Variants in ABHD12 observed in about 807,000 individuals in gnomAD.
The protein encoded by ABHD12 is abhydrolase domain containing 12, lysophospholipase.
In ABHD12, 43 loss-of-function variants were observed where a neutral mutation model predicts 58.3. The ratio of observed to expected loss-of-function variants is 0.74; its 90% confidence interval spans 0.58 to 0.95. The LOEUF (loss-of-function observed/expected upper bound fraction) is 0.95. Among genes scored for constraint, ABHD12 ranks in the 40% least tolerant of loss-of-function variants. ABHD12 has a pLI of 0.00. For synonymous variants in ABHD12, 219 were observed against 211.2 expected (o/e 1.04, Z -0.32); for missense variants, 539 against 537.2 (o/e 1.00, Z -0.03).
At chr20:25,303,502 T>G (rs546561414) in intron 11 of ABHD12, 48 bp downstream of exon 11, 2 of 1,606,888 alleles carry the variant, frequency 1.2e-6, no homozygotes, top group South Asian at 2.2e-5. Context: ...CCACACTGGC[T>G]GAGTGTGCAA....
intron 2 of ABHD12, among the ~76,000 whole-genome samples, chr20:25,333,622 T>G (rs1171513911): frequency 6.6e-6 from 1 of 151,446 alleles, no homozygotes; most frequent in South Asian, 2.1e-4. Flanking sequence ...ATCAAGTGGG[T>G]TTCATCCCTG....
intron 1 of ABHD12, among the ~76,000 whole-genome samples, chr20:25,375,953 T>A (rs2089957717): frequency 2.0e-5 from 3 of 152,088 alleles, no homozygotes; most frequent in Non-Finnish European, 4.4e-5. Context: ...AAACCCCGTC[T>A]CTACTAAAAA....
At chr20:25,335,349 A>G (rs1189243110) in intron 2 of ABHD12, among the ~76,000 whole-genome samples, 4 of 149,636 alleles carry the variant, frequency 2.7e-5, no homozygotes, top group African/African-American at 7.4e-5. Flanking sequence ...ACACTTTTAC[A>G]CTGTTGGTGG....
chr20:25,311,800 G>A (rs1209870059), intron 6 of ABHD12, among the ~76,000 whole-genome samples: 1 of 151,994 alleles, frequency 6.6e-6, no homozygotes, highest in Admixed American at 6.6e-5. Flanking sequence ...CGCCTCCTGG[G>A]CTCAAGCTTT....
At chr20:25,349,098 AAG>A in intron 1 of ABHD12, among the ~76,000 whole-genome samples, 1 of 150,452 alleles carries the variant, frequency 6.6e-6, no homozygotes, top group African/African-American at 2.5e-5. Context: ...AAAAAAAAAA[AAG>A]AAAAAAAGAA....
downstream of ABHD12, among the ~76,000 whole-genome samples, chr20:25,298,995 A>G (rs1449498861): frequency 1.3e-5 from 2 of 152,238 alleles, no homozygotes; most frequent in African/African-American, 4.8e-5. Context: ...AACTGAGCTC[A>G]GCACCCTGGG....
chr20:25,363,268 G>C (rs1233930979), intron 1 of ABHD12, among the ~76,000 whole-genome samples: 1 of 148,892 alleles, frequency 6.7e-6, no homozygotes, highest in East Asian at 2.0e-4. Context: ...TGCCAGGCTG[G>C]AGTGCAGTGG....
chr20:25,336,843 A>G (rs2089378868), intron 2 of ABHD12, among the ~76,000 whole-genome samples: 1 of 152,168 alleles, frequency 6.6e-6, no homozygotes, highest in African/African-American at 2.4e-5. Flanking sequence ...ATGGAGAGGC[A>G]GGAGGAGTGG....
At chr20:25,309,119 C>T (rs1219909147) in intron 7 of ABHD12, among the ~76,000 whole-genome samples, 3 of 152,264 alleles carry the variant, frequency 2.0e-5, no homozygotes, top group Admixed American at 1.3e-4. Context: ...TACCTCCTGT[C>T]CTGGCCTCTG....
chr20:25,388,038 CAAAAAAAAAAAA>C (rs748581834), intron 1 of ABHD12, among the ~76,000 whole-genome samples: 1 of 58,130 alleles, frequency 1.7e-5, no homozygotes, highest in African/African-American at 5.8e-5. Context: ...GACTCCTTCT[CAAAAAAAAAAAA>C]AAAAAAAAAT....
At chr20:25,363,544 T>C (rs1038224902) in intron 1 of ABHD12, among the ~76,000 whole-genome samples, 2 of 152,076 alleles carry the variant, frequency 1.3e-5, no homozygotes, top group South Asian at 2.1e-4. Flanking sequence ...ATAATGTTGG[T>C]TGATGAGATG....
intron 1 of ABHD12, among the ~76,000 whole-genome samples, chr20:25,364,694 G>A (rs998873771): frequency 3.9e-5 from 6 of 152,154 alleles, no homozygotes; most frequent in African/African-American, 7.2e-5. Context: ...CAAAACATAC[G>A]TCACTAAATT....
At chr20:25,389,695 T>C (rs961259514) in intron 1 of ABHD12, among the ~76,000 whole-genome samples, 3 of 152,304 alleles carry the variant, frequency 2.0e-5, no homozygotes, top group Non-Finnish European at 2.9e-5. Context: ...CCAAAGGTTA[T>C]TGAACGCCAA....
At chr20:25,382,361 C>G (rs1378536633) in intron 1 of ABHD12, among the ~76,000 whole-genome samples, 1 of 152,098 alleles carries the variant, frequency 6.6e-6, no homozygotes, top group Non-Finnish European at 1.5e-5. Flanking sequence ...GGCTTACCCA[C>G]TCTCATGCTG....
chr20:25,347,434 T>C (rs1430103703), intron 1 of ABHD12, among the ~76,000 whole-genome samples: 1 of 152,202 alleles, frequency 6.6e-6, no homozygotes, highest in African/African-American at 2.4e-5. Context: ...TTCATTTAAT[T>C]ATGAACTACT....
At chr20:25,368,830 T>G (rs966570520) in intron 1 of ABHD12, 2 of 548,576 alleles carry the variant, frequency 3.6e-6, no homozygotes, top group Non-Finnish European at 6.8e-6. Context: ...TTTAAAAAAA[T>G]TATTAGCCAT....
chr20:25,388,191 T>C (rs2090119853), intron 1 of ABHD12, among the ~76,000 whole-genome samples: 1 of 151,910 alleles, frequency 6.6e-6, no homozygotes, highest in Admixed American at 6.6e-5. Flanking sequence ...TCCACGTATG[T>C]CGACAATAAA....
intron 1 of ABHD12, chr20:25,368,740 A>T: frequency 9.0e-7 from 1 of 1,107,764 alleles, no homozygotes; most frequent in Admixed American, 1.7e-5. Context: ...TTCGTCAGCA[A>T]TGTTGAAGAA....
At chr20:25,327,461 C>T (rs752190527) in intron 2 of ABHD12, among the ~76,000 whole-genome samples, 113 of 145,828 alleles carry the variant, frequency 7.7e-4, no homozygotes, top group Non-Finnish European at 1.5e-3. Flanking sequence ...AACAAGACTC[C>T]GTCTCAAAAA....
Sources: gnomAD v4.1 joint callset for allele counts (sites outside exome capture counted in the v4.1 genomes callset) on GRCh38, gnomAD v4.1.1 for gene constraint, MANE v1.5 for transcripts, NCBI Gene and HGNC (gene_info 2026-07-23, HGNC 2026-07-21) for gene names.